CYFIP1: variants seen among roughly 807,000 people sequenced by gnomAD.
The protein encoded by CYFIP1 is cytoplasmic FMR1 interacting protein 1, also known as cytoplasmic FMR1-interacting protein 1.
In CYFIP1, 58 loss-of-function variants were observed where a neutral mutation model predicts 163.5. The observed-to-expected ratio is 0.35, with a 90% CI of 0.29 to 0.44. The LOEUF (loss-of-function observed/expected upper bound fraction) is 0.44. CYFIP1 is among the 20% of genes least tolerant of loss of function. The pLI, the probability that CYFIP1 is intolerant of heterozygous loss-of-function variation, is 1.00. For missense variants in CYFIP1, 1,338 were observed against 1,653.8 expected (o/e 0.81, Z 3.31); for synonymous variants, 663 against 660.7 (o/e 1.00, Z -0.05).
chr15:22,944,539 A>C lies in CYFIP1; in HGVS notation c.387+19T>G. 7 of 1,526,900 alleles carry C rather than the reference A, an allele frequency of 4.6e-6. No homozygotes were observed. The highest frequency in any genetic ancestry group is 6.3e-6 in the Non-Finnish European group (7 of 1,103,462). The allele number at this position is 1,526,900 out of a possible 1,614,324, so 94.6% of individuals were successfully genotyped here. A position where few individuals can be genotyped will look rare whatever the true frequency, so the allele number is the denominator to read the frequency against. ...CACCCCTCGGTGTTACACCCCCCCCAGATTATTTGCCATTTTACCTGGAAG... is the reference window on the plus strand; with the variant it reads ...CACCCCTCGGTGTTACACCCCCCCCCGATTATTTGCCATTTTACCTGGAAG... On this transcript the variant is annotated intron_variant, in intron 5 of 30. Transcript: ENST00000617928.
intron 17 of CYFIP1, among the ~76,000 whole-genome samples, chr15:22,912,887 C>G (rs960647379): frequency 2.0e-5 from 3 of 152,106 alleles, no homozygotes; most frequent in African/African-American, 7.2e-5. Flanking sequence ...TGCCACTACA[C>G]TCTAGCCTGT....
chr15:22,905,479 TC>T (rs1421002341), intron 21 of CYFIP1: 1 of 148,128 alleles, frequency 6.8e-6, no homozygotes, highest in African/African-American at 2.5e-5. Flanking sequence ...TTAAAAATGT[TC>T]CCTCTTTTCA....
chr15:22,953,360 C>T (rs1014544139), intron 1 of CYFIP1, among the ~76,000 whole-genome samples: 2 of 88,568 alleles, frequency 2.3e-5, no homozygotes, highest in African/African-American at 1.2e-4. Flanking sequence ...TACTTTGCTC[C>T]GTCTCTAACT....
intron 1 of CYFIP1, among the ~76,000 whole-genome samples, chr15:22,957,352 A>C (rs556386632): frequency 6.4e-4 from 96 of 149,540 alleles, no homozygotes; most frequent in African/African-American, 2.3e-3. Context: ...AATACAAAAA[A>C]TTGGCCGGGC....
At chr15:22,916,430 G>C in intron 16 of CYFIP1, 47 bp downstream of exon 16, 1 of 1,385,184 alleles carries the variant, frequency 7.2e-7, no homozygotes, top group Non-Finnish European at 1.0e-6. Flanking sequence ...CGGTGTTAGT[G>C]GTGTTAGGAC....
chr15:22,947,398 G>A, intron 1 of CYFIP1, 107 bp from the exon 2 acceptor site: 4 of 1,476,228 alleles, frequency 2.7e-6, no homozygotes, highest in Non-Finnish European at 3.7e-6. Context: ...CTCTCCCGAG[G>A]GCACCGGACA....
chr15:22,912,157 A>T (rs1359463915), intron 18 of CYFIP1, 22 bp downstream of exon 18: 2 of 1,582,198 alleles, frequency 1.3e-6, no homozygotes. Flanking sequence ...AATGAACAGA[A>T]ATGGAGCTGC....
At chr15:22,916,039 C>T (rs572795526) in intron 16 of CYFIP1, among the ~76,000 whole-genome samples, 2 of 152,268 alleles carry the variant, frequency 1.3e-5, no homozygotes, top group East Asian at 1.9e-4. Flanking sequence ...ACACGGAGGG[C>T]AGAGAGCGCA....
chr15:22,881,834 G>A lies in CYFIP1; in HGVS notation c.2911+12C>T, dbSNP rs7171025. 42,419 of 1,607,324 alleles carry A rather than the reference G, an allele frequency of 0.026. 927 individuals carry two copies. Among genetic ancestry groups the A allele is most frequent in the African/African-American group, 0.1 (7,841 of 74,902 alleles). On this transcript the variant is annotated intron_variant, in intron 25 of 30. Coordinates refer to ENST00000617928, the MANE Select transcript of CYFIP1 (RefSeq NM_014608.6). ...ACAGACAGCACTGTGAGCTCCACAC[G>A]CCCGCACTCACCAGGAGAGCCGTAC... is the stretch of plus-strand genomic sequence containing the variant.
At chr15:22,934,656 C>T (rs1383820777) in intron 9 of CYFIP1, among the ~76,000 whole-genome samples, 1 of 151,026 alleles carries the variant, frequency 6.6e-6, no homozygotes, top group Non-Finnish European at 1.5e-5. Context: ...TGCCACCATG[C>T]CCAGCTAATT....
At chr15:22,882,611 C>T (rs1285741598) in intron 24 of CYFIP1, among the ~76,000 whole-genome samples, 1 of 152,058 alleles carries the variant, frequency 6.6e-6, no homozygotes, top group Non-Finnish European at 1.5e-5. Context: ...TCAAGGACAG[C>T]CTGAGCAACA....
chr15:22,878,523 CA>C (rs1449464794), intron 26 of CYFIP1, among the ~76,000 whole-genome samples: 1 of 151,920 alleles, frequency 6.6e-6, no homozygotes, highest in African/African-American at 2.4e-5. Context: ...ACATTATACA[CA>C]AAGACCAACT....
chr15:22,926,129 A>G, intron 12 of CYFIP1, 22 bp from the exon 13 acceptor site: 2 of 1,613,996 alleles, frequency 1.2e-6, no homozygotes, highest in Non-Finnish European at 1.7e-6. Context: ...GAAAGAGCAG[A>G]GGTGTTCCAT....
In CYFIP1 at chr15:22,913,527, C is replaced by CAAA. The variant is rs35228444; in HGVS notation, c.1985+1196_1985+1198dup. ...TGGGTAACAGAGCAAGGCTCTGTCT[C>CAAA]AAAAAAAAAAAAAAAAAAAAAAAAG... On this transcript the variant is annotated intron_variant, in intron 17 of 30. Coordinates refer to ENST00000617928, the MANE Select transcript of CYFIP1 (RefSeq NM_014608.6). Among the ~76,000 whole-genome samples, 45 of 10,272 alleles carry CAAA rather than the reference C, an allele frequency of 4.4e-3. 3 individuals carry two copies. Among genetic ancestry groups the CAAA allele is most frequent in the Admixed American group, 5.9e-3 (3 of 506 alleles). 6.7% of individuals were successfully genotyped at this position (10,272 alleles called of 152,430 possible).
chr15:22,980,453 TCCCGGCCGCGGC>T (rs893247814), upstream of CYFIP1: 3 of 151,234 alleles, frequency 2.0e-5, no homozygotes, highest in African/African-American at 4.9e-5. Context: ...CGCTCCTCCC[TCCCGGCCGCGGC>T]CCCGGCCGCT....
intron 21 of CYFIP1, among the ~76,000 whole-genome samples, chr15:22,906,634 T>G (rs1043104058): frequency 9.2e-5 from 14 of 151,800 alleles, no homozygotes; most frequent in South Asian, 2.1e-4. Flanking sequence ...CCTGGCTAAT[T>G]TTTTGTATTT....
chr15:22,938,368 G>A (rs1353645897), intron 8 of CYFIP1, among the ~76,000 whole-genome samples: 2 of 152,024 alleles, frequency 1.3e-5, no homozygotes, highest in African/African-American at 4.8e-5. Flanking sequence ...CTTTGCGGGG[G>A]ACAAGGCAAG....
In CYFIP1 at chr15:22,881,868, G is replaced by C; in HGVS notation, c.2889C>G (p.Pro963=). 1 of 1,611,814 alleles carries C rather than the reference G, an allele frequency of 6.2e-7. No individual in the cohort carries two copies. Among genetic ancestry groups the C allele is most frequent in the Non-Finnish European group, 8.5e-7 (1 of 1,179,980 alleles). ...CACCAGGAGAGCCGTACTCGTGCCGGGGCAGGCGGCAGATCTTGGGCATCA... is the reference window on the plus strand; with the variant it reads ...CACCAGGAGAGCCGTACTCGTGCCGCGGCAGGCGGCAGATCTTGGGCATCA... ...MEVMPKICRL[P]RHEYGSPGIL... is the part of the protein sequence containing the mutation. Residue 963 remains proline, a synonymous_variant, in exon 25 of 31, where the codon CCC becomes CCG. Transcript: ENST00000617928.
intron 24 of CYFIP1, 63 bp from the exon 25 acceptor site, chr15:22,881,999 C>T (rs951199180): frequency 3.6e-5 from 51 of 1,413,814 alleles, no homozygotes; most frequent in South Asian, 1.4e-4. Context: ...CGCCTGTGGC[C>T]GGCGCATACC....
Sources: gnomAD v4.1 joint callset for allele counts (sites outside exome capture counted in the v4.1 genomes callset) on GRCh38, gnomAD v4.1.1 for gene constraint, MANE v1.5 for transcripts, NCBI Gene and HGNC (gene_info 2026-07-23, HGNC 2026-07-21) for gene names.